Variants in MPZL3 observed in about 807,000 individuals in gnomAD.
MPZL3 encodes myelin protein zero-like protein 3.
Under a neutral mutation model 24.8 loss-of-function variants are expected in MPZL3, and 23 were observed. The observed-to-expected ratio is 0.93, with a 90% CI of 0.67 to 1.31. The LOEUF is 1.31. Ranked by LOEUF, MPZL3 falls within the 40% of genes most tolerant of loss-of-function variation. The probability of loss-of-function intolerance (pLI) is 0.00; values close to 1 mark genes in which losing one functional copy is unlikely to be tolerated. For synonymous variants in MPZL3, 99 were observed against 106.5 expected, an observed-to-expected ratio of 0.93 and a Z score of 0.44; for missense variants, 277 against 294.9, an observed-to-expected ratio of 0.94 and a Z score of 0.44.
At chr11:118,249,686 T>G (rs1039447164) in intron 1 of MPZL3, among the ~76,000 whole-genome samples, 1 of 152,142 alleles carries the variant, frequency 6.6e-6, no homozygotes, top group Non-Finnish European at 1.5e-5. Flanking sequence ...ACTGATATTT[T>G]ATTCATATTG....
rs559170212 is a variant in MPZL3, at chr11:118,235,543, G to A, written c.498C>T (p.Val166=). 5.6e-6 allele frequency: 9 copies of A among 1,613,980 alleles called. No homozygotes were observed. The South Asian group carries it at 9.9e-5, about 18-fold the overall frequency. The change falls in exon 4 of 6, where the codon GTC becomes GTT. Residue 166 remains valine, a synonymous_variant. Coordinates refer to ENST00000278949, the MANE Select transcript of MPZL3 (RefSeq NM_198275.3). ...LSSVALLSIL[V]FVPSAVVVAL... is the part of the protein sequence containing the mutation. ...CAACCACCACGGCTGAGGGCACAAA[G>A]ACAAGGATGGAAAGAAGGGCCACAG...
At chr11:118,239,617 C>T (rs562928549) in intron 2 of MPZL3, among the ~76,000 whole-genome samples, 3 of 152,252 alleles carry the variant, frequency 2.0e-5, no homozygotes, top group African/African-American at 7.2e-5. Context: ...GACTAATATA[C>T]CTCAATAAGG....
chr11:118,244,541 C>G (rs1949535385), intron 1 of MPZL3, among the ~76,000 whole-genome samples: 1 of 152,048 alleles, frequency 6.6e-6, no homozygotes, highest in Non-Finnish European at 1.5e-5. Flanking sequence ...ACAGCACATG[C>G]AAAGGTCCTG....
intron 2 of MPZL3, among the ~76,000 whole-genome samples, chr11:118,239,361 C>G (rs769107188): frequency 8.5e-5 from 13 of 152,134 alleles, no homozygotes; most frequent in Admixed American, 3.3e-4. Flanking sequence ...ACACAGAATG[C>G]AAAGCTTATT....
chr11:118,241,421 AG>A (rs1949497753), intron 1 of MPZL3, among the ~76,000 whole-genome samples: 1 of 152,228 alleles, frequency 6.6e-6, no homozygotes. Context: ...CCTACACCAG[AG>A]GGTCTGGGTT....
chr11:118,241,232 C>T (rs1049595655), intron 1 of MPZL3, among the ~76,000 whole-genome samples: 6 of 152,206 alleles, frequency 3.9e-5, no homozygotes. Context: ...AATGACATTG[C>T]CAGTACTTTG....
chr11:118,243,514 A>G (rs1348654041), intron 1 of MPZL3, among the ~76,000 whole-genome samples: 3 of 152,174 alleles, frequency 2.0e-5, no homozygotes, highest in African/African-American at 7.2e-5. Flanking sequence ...CATGCCTATA[A>G]TCCCAGCACT....
In MPZL3 at chr11:118,233,446, T is replaced by C. The variant is rs777076400; in HGVS notation, c.681+14A>G. The C allele has an allele frequency of 2.5e-6, 4 of 1,613,612 alleles. No individual in the cohort carries two copies. The African/African-American group carries it at 4.0e-5, about 16-fold the overall frequency. On this transcript the variant is annotated intron_variant, in intron 5 of 5. Transcript: ENST00000278949. ...GGACATCAACAGTAAGCAGAAGGAATGGCATGCACTTACCAGGCACTCAGC... is the reference window on the plus strand; with the variant it reads ...GGACATCAACAGTAAGCAGAAGGAACGGCATGCACTTACCAGGCACTCAGC...
rs180920239 is a variant in MPZL3, at chr11:118,249,707, T to A, written c.73+2515A>T. The stretch of plus-strand genomic sequence containing the variant: ...ATTTTATTCATATTGCACACCTAAG[T>A]AAAAGAGAGAAAAGTTTAAGAAACC... On this transcript the variant is annotated intron_variant, in intron 1 of 5. Transcript: ENST00000278949. Among the ~76,000 whole-genome samples, 208 of 152,048 alleles carry A rather than the reference T, an allele frequency of 1.4e-3. 1 individual carries two copies. The highest frequency in any genetic ancestry group is 4.8e-3 in the African/African-American group (200 of 41,446).
At chr11:118,241,441 G>GGCC (rs1303764094) in intron 1 of MPZL3, among the ~76,000 whole-genome samples, 11 of 152,238 alleles carry the variant, frequency 7.2e-5, no homozygotes, top group Admixed American at 5.2e-4. Context: ...TTCAAATCCC[G>GGCC]GCCCTGTCAC....
At position 118,237,351 on chromosome 11, in the gene MPZL3, A is replaced by C. The variant is rs548483932; in HGVS notation, c.241-91T>G. 3.2e-5 allele frequency: 37 copies of C among 1,161,132 alleles called. No individual in the cohort carries two copies. The South Asian group carries it at 4.9e-4, about 15-fold the overall frequency. 71.9% of individuals were successfully genotyped at this position (1,161,132 alleles called of 1,614,324 possible). ...TAGGTCCAAAATAAAATACAACTGT[A>C]TAATGGTGTGTTTTTTTTCAGTTGG... On this transcript the variant is annotated intron_variant, in intron 2 of 5. Transcript: ENST00000278949.
rs1949294996 is a variant in MPZL3, at chr11:118,228,120, A to G, written c.*1774T>C. ...CTCGCGTGACCAGAGTCAAATCACAATGTCCTTCAACTAACCAGATTCGCT... is the reference window on the plus strand; with the variant it reads ...CTCGCGTGACCAGAGTCAAATCACAGTGTCCTTCAACTAACCAGATTCGCT... On this transcript the variant is annotated 3_prime_UTR_variant, in exon 6 of 6. Transcript: ENST00000278949. 6.6e-6 allele frequency: 1 copy of G among 152,186 alleles called. No individual in the cohort carries two copies. The highest frequency in any genetic ancestry group is 1.9e-4 in the East Asian group (1 of 5,196). 9.4% of individuals were successfully genotyped at this position (152,186 alleles called of 1,614,324 possible).
chr11:118,249,448 G>C (rs548185247), intron 1 of MPZL3, among the ~76,000 whole-genome samples: 4 of 152,134 alleles, frequency 2.6e-5, no homozygotes, highest in African/African-American at 9.7e-5. Flanking sequence ...ACTCAGAAAT[G>C]TCCATCCCAG....
rs1949285182 is a variant in MPZL3, at chr11:118,227,473, A to C, written c.*2421T>G. The C allele has an allele frequency of 6.6e-6, 1 of 152,258 alleles. No individual in the cohort carries two copies. Among genetic ancestry groups the C allele is most frequent in the Non-Finnish European group, 1.5e-5 (1 of 68,048 alleles). 9.4% of individuals were successfully genotyped at this position (152,258 alleles called of 1,614,324 possible). A position where few individuals can be genotyped will look rare whatever the true frequency, so the allele number is the denominator to read the frequency against. ...TACACTGCTTTGTGATCCTTCGAAGAATAAAAAGCTGTAACCCAAATCTCA... is the reference window on the plus strand; with the variant it reads ...TACACTGCTTTGTGATCCTTCGAAGCATAAAAAGCTGTAACCCAAATCTCA... On this transcript the variant is annotated 3_prime_UTR_variant, in exon 6 of 6. Coordinates refer to ENST00000278949, the MANE Select transcript of MPZL3 (RefSeq NM_198275.3).
chr11:118,240,100 A>G (rs1949473491), intron 2 of MPZL3, 111 bp downstream of exon 2: 2 of 1,063,940 alleles, frequency 1.9e-6, no homozygotes, highest in Admixed American at 6.2e-5. Context: ...ATTAAAGTAG[A>G]AGCCCATCTT....
At position 118,228,171 on chromosome 11, in the gene MPZL3, A is replaced by T. The variant is rs1484229169; in HGVS notation, c.*1723T>A. ...CATCTGTGGACTAGGTTAACAGAAG[A>T]GGCTAGGCCAAATCTATGATACGGA... On this transcript the variant is annotated 3_prime_UTR_variant, in exon 6 of 6. Coordinates refer to ENST00000278949, the MANE Select transcript of MPZL3 (RefSeq NM_198275.3). 4 of 152,192 alleles carry T rather than the reference A, an allele frequency of 2.6e-5. No individual in the cohort carries two copies. Among genetic ancestry groups the T allele is most frequent in the Non-Finnish European group, 5.9e-5 (4 of 68,044 alleles). The allele number at this position is 152,192 out of a possible 1,614,324, so 9.4% of individuals were successfully genotyped here.
rs12361791 is a variant in MPZL3 at position 118,229,461 on chromosome 11, T to G, written c.*433A>C. 0.045 allele frequency: 7,472 copies of G among 165,534 alleles called. 260 individuals are homozygous for G. The highest frequency in any genetic ancestry group is 0.067 in the Non-Finnish European group (5,073 of 76,180). The allele number at this position is 165,534 out of a possible 1,614,324, so 10.3% of individuals were successfully genotyped here. A position where few individuals can be genotyped will look rare whatever the true frequency, so the allele number is the denominator to read the frequency against. On this transcript the variant is annotated 3_prime_UTR_variant, in exon 6 of 6. Coordinates refer to ENST00000278949, the MANE Select transcript of MPZL3 (RefSeq NM_198275.3). ...ACAAAGAATACATATCCCAAGCGAA[T>G]ATTTTGTCTGGTGACACATCAGGAA...
chr11:118,241,419 AG>A (rs1949497703), intron 1 of MPZL3, among the ~76,000 whole-genome samples: 1 of 152,228 alleles, frequency 6.6e-6, no homozygotes, highest in South Asian at 2.1e-4. Flanking sequence ...CTCCTACACC[AG>A]AGGGTCTGGG....
intron 1 of MPZL3, among the ~76,000 whole-genome samples, chr11:118,243,780 A>AT: frequency 6.6e-6 from 1 of 152,078 alleles, no homozygotes; most frequent in East Asian, 1.9e-4. Context: ...TCAAAAAAAA[A>AT]AAAAAACCTT....
Sources: allele counts gnomAD v4.1 joint callset (sites outside exome capture counted in the v4.1 genomes callset), GRCh38; gene constraint gnomAD v4.1.1; transcripts MANE v1.5; gene names NCBI Gene and HGNC (gene_info 2026-07-23, HGNC 2026-07-21).